The following KCTD1 variants were observed in gnomAD, a reference collection of about 807,000 sequenced individuals.
The protein encoded by KCTD1 is potassium channel tetramerization domain containing 1.
KCTD1 carries 24 observed loss-of-function variants against 66.0 expected under a neutral mutation model. The ratio of observed to expected loss-of-function variants is 0.36; its 90% CI spans 0.26 to 0.51. The LOEUF is 0.51. Ranked by LOEUF, KCTD1 falls within the 20% of genes least tolerant of loss-of-function variation. KCTD1 has a pLI of 0.95. For synonymous variants in KCTD1, 511 were observed against 517.2 expected (o/e 0.99, Z 0.16); for missense variants, 943 against 1,205.2 (o/e 0.78, Z 3.22).
chr18:26,527,424 C>T (rs1984217110), intron 1 of KCTD1, among the ~76,000 whole-genome samples: 1 of 142,190 alleles, frequency 7.0e-6, no homozygotes, highest in Non-Finnish European at 1.5e-5. Flanking sequence ...GTGTCAAGAT[C>T]TTCAAACAGG....
At chr18:26,576,622 C>G (rs1986231891) in intron 1 of KCTD1, among the ~76,000 whole-genome samples, 1 of 152,156 alleles carries the variant, frequency 6.6e-6, no homozygotes, top group Non-Finnish European at 1.5e-5. Flanking sequence ...AATCCCACCC[C>G]CTTCCTCCAG....
chr18:26,483,162 T>C lies in KCTD1; in HGVS notation c.1989-6503A>G, dbSNP rs1034078196. 6.6e-5 allele frequency among the ~76,000 whole-genome samples: 10 copies of C among 152,388 alleles called. No homozygotes were observed. In the South Asian group the frequency reaches 2.1e-3, roughly 32 times the overall value. On this transcript the variant is annotated intron_variant, in intron 2 of 4. Coordinates refer to ENST00000580059, the MANE Select transcript of KCTD1 (RefSeq NM_001142730.3). ...GCTTATGTTGTCAACTGGAAAAGTA[T>C]AGACGGTGAAGGAGCAGCAAAACAG...
chr18:26,544,005 T>C (rs1184662631), intron 1 of KCTD1: 1 of 152,194 alleles, frequency 6.6e-6, no homozygotes, highest in East Asian at 1.9e-4. Flanking sequence ...GCAAAGAGAA[T>C]AGTTATAAGG....
At chr18:26,509,302 T>A (rs1486889934) in intron 1 of KCTD1, among the ~76,000 whole-genome samples, 11 of 152,164 alleles carry the variant, frequency 7.2e-5, no homozygotes, top group Admixed American at 7.2e-4. Flanking sequence ...GTATCCACAT[T>A]TGATGTCAAG....
intron 2 of KCTD1, among the ~76,000 whole-genome samples, chr18:26,495,754 T>C (rs543575304): frequency 3.9e-5 from 6 of 152,168 alleles, no homozygotes; most frequent in Non-Finnish European, 8.8e-5. Flanking sequence ...AGGTCATTGG[T>C]TGACAATCAG....
At chr18:26,604,900 A>C (rs1212118415) in intron 1 of KCTD1, among the ~76,000 whole-genome samples, 1 of 152,208 alleles carries the variant, frequency 6.6e-6, no homozygotes, top group Non-Finnish European at 1.5e-5. Flanking sequence ...TAAAAGTTAA[A>C]AAAAAATAAA....
At chr18:26,555,108 A>G (rs1210659199) in intron 1 of KCTD1, among the ~76,000 whole-genome samples, 1 of 152,240 alleles carries the variant, frequency 6.6e-6, no homozygotes, top group Non-Finnish European at 1.5e-5. Context: ...ATAATATGTC[A>G]TGTAACAAAT....
intron 4 of KCTD1, chr18:26,458,836 A>C (rs1352373980): frequency 6.6e-6 from 1 of 152,182 alleles, no homozygotes; most frequent in African/African-American, 2.4e-5. Flanking sequence ...AGCTGCTTGA[A>C]CCACAGCTTG....
At chr18:26,591,052 A>G (rs573823192) in intron 1 of KCTD1, among the ~76,000 whole-genome samples, 2 of 151,936 alleles carry the variant, frequency 1.3e-5, no homozygotes, top group Non-Finnish European at 2.9e-5. Context: ...TTTTTTTTCA[A>G]TTGAGTCAGG....
chr18:26,506,405 A>G lies in KCTD1; in HGVS notation c.1810-5155T>C, dbSNP rs901066135. The stretch of plus-strand genomic sequence containing the variant: ...GGTTGGGGGCTGGGAAGGATGGGGA[A>G]GGATCCCTAGAGACTGAGAACTGAG... On this transcript the variant is annotated intron_variant, in intron 1 of 4. Transcript: ENST00000580059. Among the ~76,000 whole-genome samples the G allele has an allele frequency of 3.9e-5, 6 of 152,286 alleles. No homozygotes were observed. In the Middle Eastern group the frequency reaches 0.014, roughly 348 times the overall value.
At chr18:26,516,080 G>T (rs919931008) in intron 1 of KCTD1, among the ~76,000 whole-genome samples, 6 of 152,138 alleles carry the variant, frequency 3.9e-5, no homozygotes, top group African/African-American at 1.4e-4. Context: ...CAGCTCCAAA[G>T]AGGCCAAGAA....
chr18:26,546,509 T>A (rs1228937919), intron 1 of KCTD1, among the ~76,000 whole-genome samples: 2 of 152,224 alleles, frequency 1.3e-5, no homozygotes, highest in African/African-American at 4.8e-5. Context: ...ACAGCAGTGA[T>A]TTGTTAGGTA....
rs773521144 is a variant in KCTD1 at position 26,459,605 on chromosome 18, G to C, written c.2439+15C>G. The C allele has an allele frequency of 1.9e-6, 3 of 1,569,818 alleles. No homozygotes were observed. The Admixed American group carries it at 5.2e-5, about 27-fold the overall frequency. On this transcript the variant is annotated intron_variant, in intron 4 of 4. Transcript: ENST00000580059. Reference sequence around the variant, plus strand: ...AGTGGCATTTGATGCCACACAGTGCGTAACAATGCTATACCTGGACTGAGT... The same window carrying C: ...AGTGGCATTTGATGCCACACAGTGCCTAACAATGCTATACCTGGACTGAGT...
intron 4 of KCTD1, chr18:26,458,928 T>C (rs1980251514): frequency 6.6e-6 from 1 of 152,380 alleles, no homozygotes; most frequent in African/African-American, 2.4e-5. Flanking sequence ...CAGTTCTCCC[T>C]TCTGCTCAAA....
At position 26,585,687 on chromosome 18, in the gene KCTD1, G is replaced by A. The variant is rs191472609; in HGVS notation, c.-16+43460C>T. Among the ~76,000 whole-genome samples, 22 of 152,262 alleles carry A rather than the reference G, an allele frequency of 1.4e-4. 1 individual carries two copies. The highest frequency in any genetic ancestry group is 9.6e-4 in the East Asian group (5 of 5,192). ...TTTTGCAATTATTATTCAAAGTATC[G>A]TATTTTATTGAATTACTCTGTGTGA... On this transcript the variant is annotated intron_variant, in intron 1 of 4. Coordinates refer to the KCTD1 transcript ENST00000317932.
intron 1 of KCTD1, among the ~76,000 whole-genome samples, chr18:26,611,936 A>G (rs1598966303): frequency 6.6e-6 from 1 of 152,210 alleles, no homozygotes; most frequent in East Asian, 1.9e-4. Context: ...GCTCTGGAGT[A>G]GTGCTTAGCT....
At chr18:26,530,598 T>C (rs1984389319) in intron 1 of KCTD1, among the ~76,000 whole-genome samples, 1 of 152,192 alleles carries the variant, frequency 6.6e-6, no homozygotes, top group Non-Finnish European at 1.5e-5. Context: ...ATTTGGCTGA[T>C]GATTTATTTT....
chr18:26,613,535 A>G (rs1987182823), intron 1 of KCTD1, among the ~76,000 whole-genome samples: 1 of 152,206 alleles, frequency 6.6e-6, no homozygotes, highest in Non-Finnish European at 1.5e-5. Context: ...GGAGAGAATC[A>G]CATTTTTTGG....
chr18:26,483,228 A>G (rs1787192774), intron 2 of KCTD1, among the ~76,000 whole-genome samples: 1 of 152,198 alleles, frequency 6.6e-6, no homozygotes, highest in South Asian at 2.1e-4. Context: ...GCAGGGAATT[A>G]ATTTTAAAAA....
Sources: allele counts gnomAD v4.1 joint callset (sites outside exome capture counted in the v4.1 genomes callset), GRCh38; gene constraint gnomAD v4.1.1; transcripts MANE v1.5; gene names NCBI Gene and HGNC (gene_info 2026-07-23, HGNC 2026-07-21).